PARN: variants seen among roughly 807,000 people sequenced by gnomAD.
The protein encoded by PARN is poly(A)-specific ribonuclease PARN.
Under a neutral mutation model 102.8 loss-of-function variants are expected in PARN, and 71 were observed. The ratio of observed to expected loss-of-function variants is 0.69; its 90% confidence interval spans 0.57 to 0.84. PARN has a LOEUF of 0.84. PARN is among the 40% of genes least tolerant of loss of function. PARN has a pLI of 0.00. For missense variants in PARN, 782 were observed against 760.9 expected (o/e 1.03, Z -0.33); for synonymous variants, 261 against 252.9 (o/e 1.03, Z -0.30).
At chr16:14,468,878 A>AATAGATAG (rs59011829) in intron 22 of PARN, among the ~76,000 whole-genome samples, 23,131 of 139,388 alleles carry the variant, frequency 0.17, 2,078 homozygotes, top group African/African-American at 0.2. Flanking sequence ...CCCATTACTA[A>AATAGATAG]ATAGATAGAT....
intron 12 of PARN, among the ~76,000 whole-genome samples, chr16:14,599,675 T>C (rs1161825844): frequency 6.6e-6 from 1 of 152,194 alleles, no homozygotes; most frequent in Non-Finnish European, 1.5e-5. Context: ...GTAACCCTCC[T>C]ATGCATTTTT....
In PARN at chr16:14,509,597, A is replaced by G. The variant is rs1350683702; in HGVS notation, c.1481-26770T>C. ...GATAGATAACAAATTATGAAGATCA[A>G]TTCTCATCAACATTCAAAGTCTACC... On this transcript the variant is annotated intron_variant, in intron 21 of 23. Transcript: ENST00000437198. 4.6e-5 allele frequency among the ~76,000 whole-genome samples: 7 copies of G among 152,314 alleles called. No homozygotes were observed. In the East Asian group the frequency reaches 1.3e-3, roughly 29 times the overall value.
At chr16:14,541,407 C>T (rs1047112223) in intron 21 of PARN, among the ~76,000 whole-genome samples, 3 of 152,128 alleles carry the variant, frequency 2.0e-5, no homozygotes, top group African/African-American at 4.8e-5. Context: ...CCACAACCCA[C>T]CACAGCCATG....
At chr16:14,496,668 C>T (rs564808583) in intron 21 of PARN, among the ~76,000 whole-genome samples, 4 of 152,248 alleles carry the variant, frequency 2.6e-5, no homozygotes, top group Middle Eastern at 6.8e-3. Flanking sequence ...AGATCCTAAA[C>T]GTCAAGAACT....
intron 21 of PARN, among the ~76,000 whole-genome samples, chr16:14,533,187 C>G (rs1013706792): frequency 1.3e-5 from 2 of 152,116 alleles, no homozygotes; most frequent in African/African-American, 4.8e-5. Context: ...GCGGATCACT[C>G]GCGGTTAGGA....
intron 10 of PARN, 86 bp downstream of exon 10, chr16:14,606,396 GGA>G (rs1971183912): frequency 6.1e-4 from 301 of 493,602 alleles, no homozygotes; most frequent in South Asian, 1.0e-3. Flanking sequence ...AGACCCTGAG[GGA>G]AAAAAAAAAA....
intron 21 of PARN, among the ~76,000 whole-genome samples, chr16:14,494,095 G>C (rs1326581721): frequency 2.6e-5 from 4 of 152,116 alleles, no homozygotes; most frequent in African/African-American, 9.7e-5. Context: ...CTGCCTACAC[G>C]GAGGGCCTCT....
chr16:14,608,266 A>G lies in PARN; in HGVS notation c.659+15T>C. 6.6e-7 allele frequency: 1 copy of G among 1,516,508 alleles called. No individual in the cohort carries two copies. Among genetic ancestry groups the G allele is most frequent in the Non-Finnish European group, 8.9e-7 (1 of 1,118,386 alleles). The allele number at this position is 1,516,508 out of a possible 1,614,324, so 93.9% of individuals were successfully genotyped here. ...GGTCCCCCACAGAGCTGCTGCATACAATATAAATACTTACTTCCAGCTCAA... is the reference window on the plus strand; with the variant it reads ...GGTCCCCCACAGAGCTGCTGCATACGATATAAATACTTACTTCCAGCTCAA... On this transcript the variant is annotated intron_variant, in intron 9 of 23. Coordinates refer to ENST00000437198, the MANE Select transcript of PARN (RefSeq NM_002582.4).
At chr16:14,554,813 C>G (rs1004589393) in intron 19 of PARN, among the ~76,000 whole-genome samples, 2 of 151,782 alleles carry the variant, frequency 1.3e-5, no homozygotes, top group Admixed American at 6.6e-5. Context: ...AAACATTTAA[C>G]TTTCCCATTT....
At chr16:14,530,781 G>C (rs187267494) in intron 21 of PARN, among the ~76,000 whole-genome samples, 206 of 152,184 alleles carry the variant, frequency 1.4e-3, no homozygotes, top group Non-Finnish European at 2.4e-3. Flanking sequence ...CTGTACCAGG[G>C]CATCTCCTCA....
chr16:14,622,188 G>A (rs755746452), intron 5 of PARN, among the ~76,000 whole-genome samples: 16 of 151,916 alleles, frequency 1.1e-4, no homozygotes, highest in Non-Finnish European at 1.6e-4. Flanking sequence ...GTGAGACTCC[G>A]TCTCAAAAAA....
chr16:14,552,215 T>G, intron 20 of PARN, 120 bp from the exon 21 acceptor site: 2 of 647,788 alleles, frequency 3.1e-6, no homozygotes, highest in Non-Finnish European at 5.4e-6. Context: ...AGGTGCTTAT[T>G]TAAAATGTGA....
At chr16:14,484,450 C>A (rs948036083) in intron 21 of PARN, among the ~76,000 whole-genome samples, 6 of 152,186 alleles carry the variant, frequency 3.9e-5, no homozygotes, top group East Asian at 3.8e-4. Context: ...CTGTTCAGGG[C>A]AGTCTTTGTA....
intron 23 of PARN, among the ~76,000 whole-genome samples, chr16:14,445,121 C>A (rs1245035806): frequency 6.6e-6 from 1 of 150,758 alleles, no homozygotes; most frequent in African/African-American, 2.4e-5. Flanking sequence ...AGCTACCATG[C>A]CTGGCCCCCT....
intron 21 of PARN, among the ~76,000 whole-genome samples, chr16:14,542,051 C>T (rs921813381): frequency 8.5e-5 from 13 of 152,144 alleles, no homozygotes; most frequent in African/African-American, 2.9e-4. Flanking sequence ...GTCACCCAGG[C>T]TGGAGTGCAG....
intron 21 of PARN, among the ~76,000 whole-genome samples, chr16:14,491,947 G>A (rs1352714839): frequency 6.6e-6 from 1 of 152,192 alleles, no homozygotes; most frequent in Non-Finnish European, 1.5e-5. Context: ...TGTGAAAAAA[G>A]TGCCTGGACT....
intron 20 of PARN, among the ~76,000 whole-genome samples, chr16:14,552,886 T>C (rs1967407163): frequency 6.6e-6 from 1 of 151,764 alleles, no homozygotes. Flanking sequence ...AGGCGGAGGT[T>C]GAGGTGAGCC....
chr16:14,448,179 C>T (rs1027377554), intron 22 of PARN, among the ~76,000 whole-genome samples: 2 of 150,464 alleles, frequency 1.3e-5, no homozygotes, highest in African/African-American at 4.9e-5. Context: ...GACAGAGTCT[C>T]GCTCTGTCCC....
chr16:14,628,916 C>T (rs935123744), intron 2 of PARN, among the ~76,000 whole-genome samples: 1 of 152,174 alleles, frequency 6.6e-6, no homozygotes, highest in Non-Finnish European at 1.5e-5. Context: ...AAATTTGCAA[C>T]TTTAAGTGTC....
Sources: allele counts gnomAD v4.1 joint callset (sites outside exome capture counted in the v4.1 genomes callset), GRCh38; gene constraint gnomAD v4.1.1; transcripts MANE v1.5; gene names NCBI Gene and HGNC (gene_info 2026-07-23, HGNC 2026-07-21).